The following CELF3 variants were observed in gnomAD, a reference collection of about 807,000 sequenced individuals.
CELF3 encodes the protein CAG repeat domain.
CELF3 carries 26 observed loss-of-function variants against 59.6 expected under a neutral mutation model. That is an observed-to-expected ratio of 0.44 (90% CI 0.32 to 0.61). The LOEUF (loss-of-function observed/expected upper bound fraction) is 0.61, where lower values mean the gene tolerates loss of function less well. Ranked by LOEUF, CELF3 falls within the 20% of genes least tolerant of loss-of-function variation. The pLI is 0.06. For synonymous variants in CELF3, 245 were observed against 250.7 expected (o/e 0.98, Z 0.22); for missense variants, 387 against 627.2 (o/e 0.62, Z 4.09).
In CELF3 at chr1:151,707,130, G is replaced by A. The variant is rs1571914141; in HGVS notation, c.922+15C>T. 6.8e-7 allele frequency: 1 copy of A among 1,471,312 alleles called. No individual in the cohort carries two copies. The highest frequency in any genetic ancestry group is 9.0e-7 in the Non-Finnish European group (1 of 1,113,860). 91.1% of individuals were successfully genotyped at this position (1,471,312 alleles called of 1,614,324 possible). A position where few individuals can be genotyped will look rare whatever the true frequency, so the allele number is the denominator to read the frequency against. On this transcript the variant is annotated intron_variant, in intron 8 of 12. Transcript: ENST00000290583. ...GATGGTTGCTGGGACGGAGTGGGCA[G>A]GCAGAGAGTCCCACCTGGGTAGGGG...
intron 2 of CELF3, 44 bp downstream of exon 2, chr1:151,714,550 A>T (rs1673301837): frequency 6.9e-7 from 1 of 1,442,494 alleles, no homozygotes; most frequent in African/African-American, 1.4e-5. Context: ...TGCCACTTCT[A>T]TGGCCCTTCT....
intron 1 of CELF3, chr1:151,715,469 C>A (rs1673398031): frequency 1.9e-6 from 1 of 535,024 alleles, no homozygotes; most frequent in Non-Finnish European, 3.3e-6. Flanking sequence ...TGTGTCCTGA[C>A]CCCCATCCCA....
intron 10 of CELF3, 73 bp from the exon 11 acceptor site, chr1:151,706,038 G>T: frequency 6.3e-7 from 1 of 1,598,844 alleles, no homozygotes. Context: ...AATGTCCCAG[G>T]GAAAGCAGAT....
rs1300155377 is a variant in CELF3 at position 151,700,172 on chromosome 1, C to T, written c.*3287G>A. Among the ~76,000 whole-genome samples, 1 of 152,102 alleles carries T rather than the reference C, an allele frequency of 6.6e-6. No individual in the cohort carries two copies. Among genetic ancestry groups the T allele is most frequent in the East Asian group, 1.9e-4 (1 of 5,194 alleles). On this transcript the variant is annotated 3_prime_UTR_variant, in exon 13 of 13. Transcript: ENST00000290583. ...GCAAAGAAAGAAACATTTCTGCCAGCTTACAGGCTCACAGAAGAATGAGAC... is the reference window on the plus strand; with the variant it reads ...GCAAAGAAAGAAACATTTCTGCCAGTTTACAGGCTCACAGAAGAATGAGAC...
In CELF3 at chr1:151,706,746, A is replaced by G; in HGVS notation, c.923-12T>C. The G allele has an allele frequency of 1.9e-6, 3 of 1,543,374 alleles. No homozygotes were observed. The highest frequency in any genetic ancestry group is 2.6e-6 in the Non-Finnish European group (3 of 1,141,966). ...CGCGGGGCTCTGGGCTGGGGAGAGC[A>G]GCACAGACTATGAGCGTGGACCTGG... On this transcript the variant is annotated splice_polypyrimidine_tract_variant and intron_variant, in intron 8 of 12. Transcript: ENST00000290583.
intron 12 of CELF3, among the ~76,000 whole-genome samples, chr1:151,703,801 G>A (rs1023684620): frequency 1.3e-5 from 2 of 152,110 alleles, no homozygotes; most frequent in Admixed American, 6.5e-5. Flanking sequence ...AAGGGGGTGC[G>A]TGTAAGAGAC....
intron 12 of CELF3, 69 bp from the exon 13 acceptor site, chr1:151,703,517 A>AG (rs1571903566): frequency 3.4e-6 from 1 of 294,034 alleles, no homozygotes; most frequent in African/African-American, 2.3e-5. Flanking sequence ...GCTCTGGGGG[A>AG]GGGGAGGGGG....
Position 151,700,273 on chromosome 1 carries a change from T to A in CELF3, c.*3186A>T, listed in dbSNP as rs1671983950. ...GACTAGAAAAGGAAGGAGAAAGACC[T>A]GTGGATGAGGGCCGTTAAGATTTTC... On this transcript the variant is annotated 3_prime_UTR_variant, in exon 13 of 13. Coordinates refer to ENST00000290583, the MANE Select transcript of CELF3 (RefSeq NM_007185.7). Among the ~76,000 whole-genome samples, 1 of 152,148 alleles carries A rather than the reference T, an allele frequency of 6.6e-6. No individual in the cohort carries two copies. The highest frequency in any genetic ancestry group is 6.5e-5 in the Admixed American group (1 of 15,276).
Position 151,707,662 on chromosome 1 carries a change from A to G in CELF3, c.631-14T>C, listed in dbSNP as rs1571916590. ...CTGCTGCATCAGCTGGGGGGAGGGGAGAGGAGAGTGGGGCAGGCCCCCTGT... is the reference window on the plus strand; with the variant it reads ...CTGCTGCATCAGCTGGGGGGAGGGGGGAGGAGAGTGGGGCAGGCCCCCTGT... On this transcript the variant is annotated splice_polypyrimidine_tract_variant and intron_variant, in intron 6 of 12. Coordinates refer to ENST00000290583, the MANE Select transcript of CELF3 (RefSeq NM_007185.7). The G allele has an allele frequency of 1.2e-6, 2 of 1,602,816 alleles. No individual in the cohort carries two copies. Among genetic ancestry groups the G allele is most frequent in the East Asian group, 2.2e-5 (1 of 44,602 alleles).
intron 2 of CELF3, chr1:151,711,458 A>G (rs1439916482): frequency 3.8e-5 from 3 of 78,944 alleles, no homozygotes; most frequent in African/African-American, 5.0e-5. Flanking sequence ...CGCCCCCCAA[A>G]TCTCTGGATC....
intron 9 of CELF3, 127 bp downstream of exon 9, chr1:151,706,542 G>A: frequency 8.1e-7 from 1 of 1,231,934 alleles, no homozygotes; most frequent in Non-Finnish European, 1.2e-6. Context: ...CCCCACAGTT[G>A]GGCTTGTCAG....
rs772796759 is a variant in CELF3, at chr1:151,716,042, G to A, written c.-22C>T. 1.8e-5 allele frequency: 29 copies of A among 1,598,250 alleles called. No homozygotes were observed. The South Asian group carries it at 3.3e-4, about 18-fold the overall frequency. ...TCATTGAGGCGGCCCAGGAGGAGGG[G>A]CCGAGGGGAGCAGGGAGAGGCCCAA... is the stretch of plus-strand genomic sequence containing the variant. On this transcript the variant is annotated 5_prime_UTR_variant, in exon 1 of 13. Transcript: ENST00000290583.
chr1:151,707,329 G>T, intron 7 of CELF3, 35 bp from the exon 8 acceptor site: 1 of 1,560,628 alleles, frequency 6.4e-7, no homozygotes, highest in South Asian at 1.2e-5. Context: ...GAGAGCAGAG[G>T]AGCAGACACA....
Position 151,705,199 on chromosome 1 carries a change from A to C in CELF3, c.1271-31T>G. The C allele has an allele frequency of 6.3e-7, 1 of 1,597,108 alleles. No homozygotes were observed. On this transcript the variant is annotated intron_variant, in intron 11 of 12. Coordinates refer to ENST00000290583, the MANE Select transcript of CELF3 (RefSeq NM_007185.7). This position sits in a 1 kb window ranked among gnomAD's most constrained non-coding sequence, Gnocchi z 5.1. ...GTGAGAGGGGCATAAGGCCCGGCCC[A>C]GCCCCACCTCGCTCTTCCGTGCTTA...
At chr1:151,714,732 T>A (rs906272183) in intron 1 of CELF3, 56 bp from the exon 2 acceptor site, 3 of 1,216,282 alleles carry the variant, frequency 2.5e-6, no homozygotes, top group Non-Finnish European at 1.2e-6. Context: ...CCATCTCCCC[T>A]CTCTGAAAGG....
At chr1:151,710,931 C>T (rs1423045705) in intron 2 of CELF3, 3 of 421,550 alleles carry the variant, frequency 7.1e-6, no homozygotes, top group Non-Finnish European at 1.5e-5. Flanking sequence ...AAATATTTTG[C>T]TCTTGAGGAC....
intron 2 of CELF3, chr1:151,710,719 G>A (rs1396935761): frequency 2.2e-6 from 1 of 456,482 alleles, no homozygotes; most frequent in East Asian, 6.9e-5. Context: ...GTCCTCCAGA[G>A]CTCTAACCTC....
At position 151,709,722 on chromosome 1, in the gene CELF3, G is replaced by A. The variant is rs1299825269; in HGVS notation, c.277+21C>T. 6.2e-7 allele frequency: 1 copy of A among 1,613,358 alleles called. No individual in the cohort carries two copies. The highest frequency in any genetic ancestry group is 8.5e-7 in the Non-Finnish European group (1 of 1,179,374). ...CTGGGGGTGGGAGGAGAGGGACAGA[G>A]TCCAAAGGCACAGAACCTACCTCCT... is the stretch of plus-strand genomic sequence containing the variant. On this transcript the variant is annotated intron_variant, in intron 3 of 12. Coordinates refer to ENST00000290583, the MANE Select transcript of CELF3 (RefSeq NM_007185.7). This position sits in a 1 kb window ranked among gnomAD's most constrained non-coding sequence, Gnocchi z 4.9.
Position 151,709,637 on chromosome 1 carries a change from A to T in CELF3, c.277+106T>A. 1 of 1,216,594 alleles carries T rather than the reference A, an allele frequency of 8.2e-7. No homozygotes were observed. Among genetic ancestry groups the T allele is most frequent in the Non-Finnish European group, 1.2e-6 (1 of 820,240 alleles). 75.4% of individuals were successfully genotyped at this position (1,216,594 alleles called of 1,614,324 possible). ...ATCTCACCGCAGCTGGGAACTCTTC[A>T]GAATCATCAGGCTTTCTCCCTCAAG... On this transcript the variant is annotated intron_variant, in intron 3 of 12. Coordinates refer to ENST00000290583, the MANE Select transcript of CELF3 (RefSeq NM_007185.7). This position sits in a 1 kb window ranked among gnomAD's most constrained non-coding sequence, Gnocchi z 4.9.
Sources: allele counts gnomAD v4.1 joint callset (sites outside exome capture counted in the v4.1 genomes callset), GRCh38; gene constraint gnomAD v4.1.1; non-coding constraint Gnocchi (gnomAD v3.1); transcripts MANE v1.5; gene names NCBI Gene and HGNC (gene_info 2026-07-23, HGNC 2026-07-21).